The following CTNNA2 variants were observed in gnomAD, a reference collection of about 807,000 sequenced individuals.
CTNNA2 encodes the protein catenin alpha-2.
CTNNA2 carries 42 observed loss-of-function variants against 101.0 expected under a neutral mutation model. The observed-to-expected ratio is 0.42, with a 90% CI of 0.32 to 0.54. CTNNA2 has a LOEUF of 0.54. Among genes scored for constraint, CTNNA2 ranks in the 20% least tolerant of loss-of-function variants. The pLI, the probability that CTNNA2 is intolerant of heterozygous loss-of-function variation, is 0.14. For missense variants in CTNNA2, 871 were observed against 1,223.1 expected, an observed-to-expected ratio of 0.71 and a Z score of 4.29; for synonymous variants, 450 against 456.4, an observed-to-expected ratio of 0.99 and a Z score of 0.18.
At chr2:80,344,057 A>T (rs1450784631) in intron 7 of CTNNA2, among the ~76,000 whole-genome samples, 3 of 152,056 alleles carry the variant, frequency 2.0e-5, no homozygotes, top group Admixed American at 2.0e-4. Flanking sequence ...ACTCTGCCCC[A>T]ACCTACCCTT....
chr2:80,339,836 G>A (rs1345934723), intron 7 of CTNNA2, among the ~76,000 whole-genome samples: 1 of 152,160 alleles, frequency 6.6e-6, no homozygotes, highest in African/African-American at 2.4e-5. Flanking sequence ...GAGATTATTT[G>A]GTTTGGAGTA....
chr2:80,141,051 T>G (rs897896296), intron 7 of CTNNA2, among the ~76,000 whole-genome samples: 10 of 152,108 alleles, frequency 6.6e-5, no homozygotes, highest in Non-Finnish European at 1.5e-5. Flanking sequence ...ATTTATTTAT[T>G]TATTTATTTT....
Position 80,604,006 on chromosome 2 carries a change from G to GAT in CTNNA2, c.2190-65_2190-64dup, listed in dbSNP as rs967471859. The GAT allele has an allele frequency of 3.0e-6, 4 of 1,331,706 alleles. No homozygotes were observed. The South Asian group carries it at 3.6e-5, about 12-fold the overall frequency. 82.5% of individuals were successfully genotyped at this position (1,331,706 alleles called of 1,614,324 possible). On this transcript the variant is annotated intron_variant, in intron 15 of 18. Coordinates refer to ENST00000402739, the MANE Select transcript of CTNNA2 (RefSeq NM_001282597.3). Reference sequence around the variant, plus strand: ...TACAACACTAGACTCCTGGACAAAGGATATGGTAGGTTGGTCTCTTTCCCG... The same window carrying GAT: ...TACAACACTAGACTCCTGGACAAAGGATATATGGTAGGTTGGTCTCTTTCCCG...
At chr2:79,275,450 C>T (rs1266271517) in intron 2 of CTNNA2, among the ~76,000 whole-genome samples, 1 of 152,014 alleles carries the variant, frequency 6.6e-6, no homozygotes, top group East Asian at 1.9e-4. Flanking sequence ...TACACATCTG[C>T]CAGGCTCAGA....
chr2:80,260,086 T>C (rs1672487064), intron 7 of CTNNA2, among the ~76,000 whole-genome samples: 1 of 152,202 alleles, frequency 6.6e-6, no homozygotes, highest in South Asian at 2.1e-4. Flanking sequence ...ATTACTCCAT[T>C]ATTTTCCGAC....
At chr2:80,373,120 T>C (rs991337343) in intron 7 of CTNNA2, among the ~76,000 whole-genome samples, 2 of 152,070 alleles carry the variant, frequency 1.3e-5, no homozygotes, top group African/African-American at 2.4e-5. Context: ...TGTTAATTAG[T>C]GGAGTGGAAG....
intron 3 of CTNNA2, among the ~76,000 whole-genome samples, chr2:79,342,240 A>G (rs1677154657): frequency 6.6e-6 from 1 of 152,194 alleles, no homozygotes; most frequent in African/African-American, 2.4e-5. Context: ...TCCTGATGCT[A>G]TAGGCAGGAT....
At chr2:79,664,220 GTCTTT>G (rs759862360) in intron 2 of CTNNA2, among the ~76,000 whole-genome samples, 4 of 152,052 alleles carry the variant, frequency 2.6e-5, no homozygotes, top group Non-Finnish European at 4.4e-5. Context: ...AAATTAATGA[GTCTTT>G]TCACATTGTC....
chr2:79,324,280 G>A (rs1676692706), intron 3 of CTNNA2, among the ~76,000 whole-genome samples: 1 of 152,176 alleles, frequency 6.6e-6, no homozygotes, highest in South Asian at 2.1e-4. Flanking sequence ...GAGTATGCAT[G>A]GCAAGCAGGG....
At chr2:79,702,206 T>G (rs1197427010) in intron 2 of CTNNA2, among the ~76,000 whole-genome samples, 4 of 147,132 alleles carry the variant, frequency 2.7e-5, no homozygotes, top group Non-Finnish European at 4.4e-5. Flanking sequence ...TGCTGTCTGC[T>G]TTTGTATGGC....
At chr2:79,367,704 G>T (rs920381392) in intron 3 of CTNNA2, among the ~76,000 whole-genome samples, 2 of 152,168 alleles carry the variant, frequency 1.3e-5, no homozygotes, top group Admixed American at 6.5e-5. Context: ...ATGGGCTTTA[G>T]AGATGGAGAC....
intron 7 of CTNNA2, among the ~76,000 whole-genome samples, chr2:79,950,409 A>G (rs987461145): frequency 2.0e-5 from 3 of 152,216 alleles, no homozygotes; most frequent in Non-Finnish European, 4.4e-5. Flanking sequence ...GCATCACTTA[A>G]AATCCAATCA....
intron 4 of CTNNA2, among the ~76,000 whole-genome samples, chr2:79,448,099 T>C (rs1182401961): frequency 6.6e-6 from 1 of 152,044 alleles, no homozygotes; most frequent in African/African-American, 2.4e-5. Context: ...ATAAATTATG[T>C]TCCTAGATAT....
At chr2:79,680,014 C>T (rs543410989) in intron 2 of CTNNA2, among the ~76,000 whole-genome samples, 1 of 151,982 alleles carries the variant, frequency 6.6e-6, no homozygotes, top group East Asian at 1.9e-4. Context: ...TGCAACAAAT[C>T]GGGAAAGGGG....
intron 9 of CTNNA2, among the ~76,000 whole-genome samples, chr2:80,504,207 T>C (rs1688086017): frequency 6.6e-6 from 1 of 152,122 alleles, no homozygotes; most frequent in African/African-American, 2.4e-5. Context: ...TTCAGTATCT[T>C]GAGATTATAG....
chr2:79,442,044 C>T (rs942365818), intron 4 of CTNNA2, among the ~76,000 whole-genome samples: 14 of 152,122 alleles, frequency 9.2e-5, no homozygotes, highest in African/African-American at 3.4e-4. Context: ...CTCTAACATA[C>T]CACAGATTTT....
intron 7 of CTNNA2, among the ~76,000 whole-genome samples, chr2:80,208,409 T>G (rs1038168192): frequency 6.6e-6 from 1 of 152,210 alleles, no homozygotes; most frequent in African/African-American, 2.4e-5. Context: ...TAGGAGAGCT[T>G]CAGCTACTCT....
At chr2:79,406,534 G>T (rs1388463472) in intron 4 of CTNNA2, among the ~76,000 whole-genome samples, 1 of 151,816 alleles carries the variant, frequency 6.6e-6, no homozygotes, top group Non-Finnish European at 1.5e-5. Flanking sequence ...TCTCCTCAAG[G>T]GCATCCTACT....
At position 79,909,814 on chromosome 2, in the gene CTNNA2, C is replaced by G. The variant is rs376017235; in HGVS notation, c.1056+17C>G. On this transcript the variant is annotated intron_variant, in intron 7 of 18. Coordinates refer to ENST00000402739, the MANE Select transcript of CTNNA2 (RefSeq NM_001282597.3). ...ATGAATAATGTAAGTCTTGGGATCT[C>G]CATTCTCATGTCTTGGTGGATTCTG... 187 of 1,582,554 alleles carry G rather than the reference C, an allele frequency of 1.2e-4. No individual in the cohort carries two copies. The highest frequency in any genetic ancestry group is 1.5e-4 in the Non-Finnish European group (172 of 1,159,268).
Sources: allele counts gnomAD v4.1 joint callset (sites outside exome capture counted in the v4.1 genomes callset), GRCh38; gene constraint gnomAD v4.1.1; transcripts MANE v1.5; gene names NCBI Gene and HGNC (gene_info 2026-07-23, HGNC 2026-07-21).